The following CACNA2D3 variants were observed in gnomAD, a reference collection of about 807,000 sequenced individuals.
The protein encoded by CACNA2D3 is calcium voltage-gated channel auxiliary subunit alpha2delta 3, also known as voltage-dependent calcium channel subunit alpha-2/delta-3.
A neutral mutation model predicts 160.6 loss-of-function variants in CACNA2D3; 60 were observed. That is an observed-to-expected ratio of 0.37 (90% CI 0.30 to 0.46). The LOEUF is 0.46. CACNA2D3 is among the 20% of genes least tolerant of loss of function. CACNA2D3 has a pLI of 1.00. For missense variants in CACNA2D3, 1,205 were observed against 1,365.0 expected (o/e 0.88, Z 1.85); for synonymous variants, 558 against 492.9 (o/e 1.13, Z -1.75).
Position 54,228,332 on chromosome 3 carries a change from G to A in CACNA2D3, c.205-92110G>A, listed in dbSNP as rs150111325. On this transcript the variant is annotated intron_variant, in intron 2 of 37. Coordinates refer to ENST00000474759, the MANE Select transcript of CACNA2D3 (RefSeq NM_018398.3). ...AATCTTAGAGAGACATCTAACCTCCGAGTGAGTTTTGATTGTATGGCCTGT... is the reference window on the plus strand; with the variant it reads ...AATCTTAGAGAGACATCTAACCTCCAAGTGAGTTTTGATTGTATGGCCTGT... Among the ~76,000 whole-genome samples, 6 of 152,284 alleles carry A rather than the reference G, an allele frequency of 3.9e-5. No homozygotes were observed. In the East Asian group the frequency reaches 1.2e-3, roughly 29 times the overall value.
chr3:54,527,706 TG>T (rs1399026183), intron 5 of CACNA2D3, among the ~76,000 whole-genome samples: 4 of 152,216 alleles, frequency 2.6e-5, no homozygotes, highest in African/African-American at 9.6e-5. Flanking sequence ...GAAATGCTGA[TG>T]ACCTGCCCCT....
chr3:54,213,460 C>T (rs192738007), intron 2 of CACNA2D3, among the ~76,000 whole-genome samples: 73 of 152,308 alleles, frequency 4.8e-4, no homozygotes, highest in Non-Finnish European at 7.9e-4. Context: ...AGTATTCTTC[C>T]TTAGTTGCGG....
At chr3:54,916,270 A>G (rs1700656668) in intron 27 of CACNA2D3, among the ~76,000 whole-genome samples, 1 of 152,178 alleles carries the variant, frequency 6.6e-6, no homozygotes, top group African/African-American at 2.4e-5. Flanking sequence ...AAAACGTATA[A>G]TTCCTTTCTC....
chr3:54,213,949 T>C (rs1282989743), intron 2 of CACNA2D3, among the ~76,000 whole-genome samples: 2 of 152,180 alleles, frequency 1.3e-5, no homozygotes, highest in East Asian at 3.9e-4. Context: ...CAGGAATCAG[T>C]TGAGTGGTTG....
chr3:54,169,044 C>G (rs543324873), intron 2 of CACNA2D3, among the ~76,000 whole-genome samples: 1 of 152,168 alleles, frequency 6.6e-6, no homozygotes, highest in Non-Finnish European at 1.5e-5. Context: ...GAATATGAAA[C>G]ATGCCATCAC....
intron 2 of CACNA2D3, among the ~76,000 whole-genome samples, chr3:54,255,212 G>C (rs1048565441): frequency 6.6e-6 from 1 of 152,106 alleles, no homozygotes; most frequent in East Asian, 1.9e-4. Flanking sequence ...AGTCATTCTG[G>C]CGTTAAAACC....
chr3:54,832,176 T>C (rs1703895620), intron 14 of CACNA2D3, among the ~76,000 whole-genome samples: 2 of 152,140 alleles, frequency 1.3e-5, no homozygotes, highest in Admixed American at 1.3e-4. Flanking sequence ...AGGTAGTCTT[T>C]CCCATTTGCT....
At chr3:54,329,205 T>TA (rs1704189485) in intron 3 of CACNA2D3, among the ~76,000 whole-genome samples, 1 of 152,216 alleles carries the variant, frequency 6.6e-6, no homozygotes, top group South Asian at 2.1e-4. Context: ...TGCCTGGTAA[T>TA]ACTCTTTCCC....
chr3:54,270,805 T>C (rs1575357372), intron 2 of CACNA2D3, among the ~76,000 whole-genome samples: 2 of 152,218 alleles, frequency 1.3e-5, no homozygotes, highest in African/African-American at 4.8e-5. Flanking sequence ...GTCCAGGGCA[T>C]CTTGCAGCTC....
chr3:54,927,478 A>T (rs1239156497), intron 27 of CACNA2D3, among the ~76,000 whole-genome samples: 2 of 152,218 alleles, frequency 1.3e-5, no homozygotes, highest in Admixed American at 6.5e-5. Flanking sequence ...GGGCTCAAGC[A>T]TTAATTAGTT....
At chr3:54,501,926 T>A (rs953351773) in intron 4 of CACNA2D3, among the ~76,000 whole-genome samples, 16 of 152,202 alleles carry the variant, frequency 1.1e-4, no homozygotes, top group Non-Finnish European at 1.8e-4. Context: ...GGTTCTTTCT[T>A]TGAACACTTT....
At chr3:54,510,282 T>G (rs1167728973) in intron 5 of CACNA2D3, among the ~76,000 whole-genome samples, 3 of 152,106 alleles carry the variant, frequency 2.0e-5, no homozygotes, top group Middle Eastern at 6.8e-3. Flanking sequence ...GATGGATGGA[T>G]GGATGAGTGG....
At chr3:54,443,881 G>A (rs915531854) in intron 4 of CACNA2D3, among the ~76,000 whole-genome samples, 13 of 152,178 alleles carry the variant, frequency 8.5e-5, no homozygotes, top group South Asian at 4.1e-4. Flanking sequence ...TGCAAAACAT[G>A]CTGCTGTTTT....
intron 2 of CACNA2D3, among the ~76,000 whole-genome samples, chr3:54,126,443 T>A (rs1359181942): frequency 6.6e-6 from 1 of 152,224 alleles, no homozygotes; most frequent in Non-Finnish European, 1.5e-5. Context: ...GAGTATTTTA[T>A]CAGTTGTTTC....
intron 4 of CACNA2D3, among the ~76,000 whole-genome samples, chr3:54,453,347 C>G (rs767036298): frequency 6.6e-6 from 1 of 152,154 alleles, no homozygotes; most frequent in Non-Finnish European, 1.5e-5. Context: ...CCATAATCTA[C>G]TATGACCTTT....
chr3:54,562,775 C>G (rs780789528), intron 5 of CACNA2D3, 25 bp from the exon 6 acceptor site: 2 of 1,518,366 alleles, frequency 1.3e-6, no homozygotes, highest in African/African-American at 2.7e-5. Context: ...TAATACACCC[C>G]TCTCTCTCTC....
intron 17 of CACNA2D3, among the ~76,000 whole-genome samples, chr3:54,855,893 C>CT (rs1236703378): frequency 6.6e-6 from 1 of 152,204 alleles, no homozygotes; most frequent in African/African-American, 2.4e-5. Context: ...AGCTCACAGT[C>CT]TGACACCACC....
At chr3:54,908,876 G>A (rs1420688976) in intron 27 of CACNA2D3, among the ~76,000 whole-genome samples, 1 of 152,150 alleles carries the variant, frequency 6.6e-6, no homozygotes, top group East Asian at 1.9e-4. Flanking sequence ...CATAGAAACT[G>A]CAAAGCCAAA....
chr3:54,239,142 T>G (rs182398271), intron 2 of CACNA2D3, among the ~76,000 whole-genome samples: 182 of 152,352 alleles, frequency 1.2e-3, no homozygotes, highest in African/African-American at 4.1e-3. Context: ...CAGTAATTAT[T>G]GAGTCAACTA....
Sources: gnomAD v4.1 joint callset for allele counts (sites outside exome capture counted in the v4.1 genomes callset) on GRCh38, gnomAD v4.1.1 for gene constraint, MANE v1.5 for transcripts, NCBI Gene and HGNC (gene_info 2026-07-23, HGNC 2026-07-21) for gene names.